Variants in CENPP observed in about 807,000 individuals in gnomAD.
CENPP encodes the protein centromere protein P.
A neutral mutation model predicts 35.6 loss-of-function variants in CENPP; 24 were observed. That is an observed-to-expected ratio of 0.67 (90% CI 0.49 to 0.95). The LOEUF is 0.95. CENPP is among the 40% of genes least tolerant of loss of function. The pLI, the probability that CENPP is intolerant of heterozygous loss-of-function variation, is 0.00. For missense variants in CENPP, 332 were observed against 345.3 expected, an observed-to-expected ratio of 0.96 and a Z score of 0.31; for synonymous variants, 120 against 125.5, an observed-to-expected ratio of 0.96 and a Z score of 0.29.
intron 5 of CENPP, among the ~76,000 whole-genome samples, chr9:92,531,905 G>A (rs1848777900): frequency 6.6e-6 from 1 of 151,374 alleles, no homozygotes; most frequent in Admixed American, 6.6e-5. Flanking sequence ...TTTCAGCATT[G>A]TGAAGATACG....
intron 5 of CENPP, among the ~76,000 whole-genome samples, chr9:92,541,126 G>A (rs959516756): frequency 6.6e-6 from 1 of 151,966 alleles, no homozygotes; most frequent in Admixed American, 6.6e-5. Context: ...AGGTGCGGTG[G>A]CGGGTGCCTA....
At chr9:92,606,709 T>G (rs887918649) in intron 5 of CENPP, among the ~76,000 whole-genome samples, 1 of 152,166 alleles carries the variant, frequency 6.6e-6, no homozygotes. Context: ...ATCAAGACCA[T>G]CTTGGCCAAC....
intron 5 of CENPP, among the ~76,000 whole-genome samples, chr9:92,568,664 T>A (rs1033451970): frequency 2.2e-4 from 33 of 152,190 alleles, no homozygotes; most frequent in African/African-American, 2.4e-5. Flanking sequence ...CGCCACACTG[T>A]CTTCCACAAT....
At chr9:92,412,644 C>T (rs1295928086) in intron 5 of CENPP, among the ~76,000 whole-genome samples, 2 of 152,170 alleles carry the variant, frequency 1.3e-5, no homozygotes, top group African/African-American at 4.8e-5. Context: ...TTTCACTGAG[C>T]ATAATGTTTT....
intron 5 of CENPP, among the ~76,000 whole-genome samples, chr9:92,434,686 G>T (rs1182385853): frequency 1.3e-5 from 2 of 152,220 alleles, no homozygotes; most frequent in East Asian, 3.9e-4. Context: ...TTAAAAAAAA[G>T]AAATTGTTAA....
chr9:92,329,182 C>CTT (rs11366828), intron 1 of CENPP, among the ~76,000 whole-genome samples: 21 of 104,376 alleles, frequency 2.0e-4, no homozygotes, highest in South Asian at 3.0e-4. Context: ...ATATTTATGG[C>CTT]TTTTTTTTTT....
chr9:92,378,642 T>A (rs907245518), intron 4 of CENPP, among the ~76,000 whole-genome samples: 2 of 152,212 alleles, frequency 1.3e-5, no homozygotes, highest in African/African-American at 4.8e-5. Context: ...GTACAGGAAC[T>A]CAACTCCCGC....
intron 5 of CENPP, among the ~76,000 whole-genome samples, chr9:92,500,120 A>G (rs993925495): frequency 6.6e-6 from 1 of 152,224 alleles, no homozygotes; most frequent in Admixed American, 6.5e-5. Flanking sequence ...GTAGTAACAT[A>G]ATCTATTGCT....
chr9:92,417,681 T>A (rs1843660097), intron 5 of CENPP: 1 of 656,390 alleles, frequency 1.5e-6, no homozygotes, highest in Non-Finnish European at 2.4e-6. Context: ...TGTCTATATA[T>A]AAAAGAATAT....
chr9:92,532,655 G>A (rs1460145680), intron 5 of CENPP, among the ~76,000 whole-genome samples: 2 of 151,594 alleles, frequency 1.3e-5, no homozygotes, highest in African/African-American at 4.8e-5. Flanking sequence ...TTCTTTTATT[G>A]TATTTTCTAG....
chr9:92,349,840 CACAA>C (rs1841400231), intron 4 of CENPP, among the ~76,000 whole-genome samples: 1 of 152,296 alleles, frequency 6.6e-6, no homozygotes. Context: ...ATATTACACA[CACAA>C]ACATACATGT....
At chr9:92,496,309 T>C (rs2131134144) in intron 5 of CENPP, 1 of 1,570,526 alleles carries the variant, frequency 6.4e-7, no homozygotes, top group East Asian at 2.3e-5. Flanking sequence ...AAAGGAAAAC[T>C]TGGAATTACT....
intron 4 of CENPP, among the ~76,000 whole-genome samples, chr9:92,371,850 A>G (rs1483662914): frequency 2.0e-5 from 3 of 150,286 alleles, no homozygotes; most frequent in Non-Finnish European, 3.0e-5. Flanking sequence ...TTATCATTAT[A>G]TAATGACCTA....
chr9:92,509,839 A>G (rs1847227814), intron 5 of CENPP: 1 of 1,493,530 alleles, frequency 6.7e-7, no homozygotes, highest in Non-Finnish European at 8.9e-7. Context: ...TAAAATTTCT[A>G]CAGGACTATA....
Position 92,616,114 on chromosome 9 carries a change from TC to T in CENPP, c.*2968del. ...CAAGCCCCCCATTCATTTCCCTCCC[TC>T]CCGTTCTCTCTCCCTTTCTTCTTTC... On this transcript the variant is annotated 3_prime_UTR_variant, in exon 8 of 8. Coordinates refer to ENST00000375587, the MANE Select transcript of CENPP (RefSeq NM_001012267.3). 8.6e-7 allele frequency: 1 copy of T among 1,169,358 alleles called. No homozygotes were observed. The highest frequency in any genetic ancestry group is 1.2e-6 in the Non-Finnish European group (1 of 804,166). The allele number at this position is 1,169,358 out of a possible 1,614,324, so 72.4% of individuals were successfully genotyped here. A position where few individuals can be genotyped will look rare whatever the true frequency, so the allele number is the denominator to read the frequency against.
chr9:92,611,028 G>C (rs994378804), intron 5 of CENPP: 11 of 491,800 alleles, frequency 2.2e-5, no homozygotes, highest in Admixed American at 3.6e-5. Flanking sequence ...CAGATGGAAA[G>C]GGTGTGGGGA....
intron 5 of CENPP, among the ~76,000 whole-genome samples, chr9:92,442,412 A>G (rs1211983849): frequency 7.5e-6 from 1 of 133,618 alleles, no homozygotes; most frequent in Non-Finnish European, 1.8e-5. Flanking sequence ...AAAAAAAAAA[A>G]AAAAGAAAAA....
chr9:92,554,236 T>G (rs1588271007), intron 5 of CENPP, among the ~76,000 whole-genome samples: 1 of 151,822 alleles, frequency 6.6e-6, no homozygotes, highest in African/African-American at 2.4e-5. Context: ...CAGGCTGGAG[T>G]GCAATGGCAC....
At chr9:92,495,999 T>A in intron 5 of CENPP, 2 of 997,892 alleles carry the variant, frequency 2.0e-6, no homozygotes, top group Non-Finnish European at 2.4e-6. Context: ...AGTATTCAAG[T>A]TGATTATAAA....
Sources: gnomAD v4.1 joint callset for allele counts (sites outside exome capture counted in the v4.1 genomes callset) on GRCh38, gnomAD v4.1.1 for gene constraint, MANE v1.5 for transcripts, NCBI Gene and HGNC (gene_info 2026-07-23, HGNC 2026-07-21) for gene names.